MRC1: variants seen among roughly 807,000 people sequenced by gnomAD.
MRC1 encodes the protein macrophage mannose receptor 1.
MRC1 carries 62 observed loss-of-function variants against 102.9 expected under a neutral mutation model. The ratio of observed to expected loss-of-function variants is 0.60; its 90% CI spans 0.49 to 0.74. The LOEUF is 0.74. Ranked by LOEUF, MRC1 falls within the 30% of genes least tolerant of loss-of-function variation. The pLI is 0.00. For synonymous variants in MRC1, 457 were observed against 298.4 expected, an observed-to-expected ratio of 1.53 and a Z score of -5.48; for missense variants, 1,237 against 862.8, an observed-to-expected ratio of 1.43 and a Z score of -5.43.
At chr10:17,885,036 A>T (rs1833572557) in intron 21 of MRC1, among the ~76,000 whole-genome samples, 1 of 152,234 alleles carries the variant, frequency 6.6e-6, no homozygotes, top group Non-Finnish European at 1.5e-5. Context: ...AAGTGTCTTC[A>T]GTGGCCTAGA....
intron 24 of MRC1, among the ~76,000 whole-genome samples, chr10:17,900,445 A>G (rs1001898859): frequency 6.6e-6 from 1 of 152,140 alleles, no homozygotes; most frequent in South Asian, 2.1e-4. Context: ...TATAAGAAAT[A>G]TCTTATTTGT....
At chr10:17,898,521 A>G (rs1300647492) in intron 24 of MRC1, among the ~76,000 whole-genome samples, 1 of 152,248 alleles carries the variant, frequency 6.6e-6, no homozygotes, top group Non-Finnish European at 1.5e-5. Flanking sequence ...GCATTAGACT[A>G]TGAAAATTAT....
At chr10:17,860,722 C>T (rs1314969041) in intron 9 of MRC1, among the ~76,000 whole-genome samples, 2 of 152,220 alleles carry the variant, frequency 1.3e-5, no homozygotes, top group Non-Finnish European at 2.9e-5. Flanking sequence ...TAGGTTTGCT[C>T]TTCCCCAAAT....
At chr10:17,873,662 G>A in intron 15 of MRC1, 122 bp from the exon 16 acceptor site, 2 of 750,988 alleles carry the variant, frequency 2.7e-6, no homozygotes, top group Non-Finnish European at 4.9e-6. Context: ...AGAAAGGGAA[G>A]GGAAAAAAGA....
At chr10:17,899,159 A>G (rs691615) in intron 24 of MRC1, among the ~76,000 whole-genome samples, 136,878 of 151,876 alleles carry the variant, frequency 0.9, 61,739 homozygotes, top group Non-Finnish European at 0.92. Context: ...AGATGTTATG[A>G]AGCTTCCAAG....
At chr10:17,823,535 C>T (rs1260944232) in intron 2 of MRC1, 60 bp downstream of exon 2, 19 of 777,230 alleles carry the variant, frequency 2.4e-5, no homozygotes, top group Non-Finnish European at 4.3e-5. Flanking sequence ...TAGTTGGAAC[C>T]TGATTCAAGA....
chr10:17,855,888 G>T (rs1162526916), intron 8 of MRC1, among the ~76,000 whole-genome samples: 3 of 152,030 alleles, frequency 2.0e-5, no homozygotes, highest in Non-Finnish European at 4.4e-5. Flanking sequence ...TCCAAAATTG[G>T]CCGGGCGCAG....
At chr10:17,848,796 G>C (rs999766141) in intron 6 of MRC1, among the ~76,000 whole-genome samples, 4 of 152,112 alleles carry the variant, frequency 2.6e-5, no homozygotes, top group Non-Finnish European at 4.4e-5. Flanking sequence ...TCACAAGCAC[G>C]TGTCAGTTTT....
intron 6 of MRC1, among the ~76,000 whole-genome samples, chr10:17,847,875 C>A (rs1838849145): frequency 6.6e-6 from 1 of 151,914 alleles, no homozygotes; most frequent in Non-Finnish European, 1.5e-5. Context: ...TAAAATAACC[C>A]ACCAGAGGGC....
chr10:17,871,281 C>T (rs1833351292), intron 14 of MRC1, among the ~76,000 whole-genome samples: 1 of 152,158 alleles, frequency 6.6e-6, no homozygotes, highest in South Asian at 2.1e-4. Flanking sequence ...TCAGTTCTAC[C>T]TCTTAATTTC....
intron 17 of MRC1, among the ~76,000 whole-genome samples, chr10:17,877,570 T>C (rs1456383554): frequency 1.3e-5 from 2 of 151,978 alleles, no homozygotes; most frequent in African/African-American, 4.8e-5. Context: ...CTTGAATTTG[T>C]AAAGCAAATA....
chr10:17,893,051 A>T (rs1366857618), intron 22 of MRC1, among the ~76,000 whole-genome samples: 1 of 151,496 alleles, frequency 6.6e-6, no homozygotes, highest in Non-Finnish European at 1.5e-5. Context: ...GAAAATAAAC[A>T]CAGTGAAATT....
intron 24 of MRC1, 113 bp downstream of exon 24, chr10:17,898,379 G>T (rs1440961118): frequency 2.6e-6 from 2 of 767,100 alleles, no homozygotes; most frequent in African/African-American, 3.4e-5. Flanking sequence ...ACTGTGCTAG[G>T]CAATGTGAAT....
In MRC1 at chr10:17,856,327, T is replaced by C. The variant is rs1352250668; in HGVS notation, c.1493T>C (p.Val498Ala). The C allele has an allele frequency of 4.7e-6, 4 of 857,714 alleles. No homozygotes were observed. The African/African-American group carries it at 6.6e-5, about 14-fold the overall frequency. The allele number at this position is 857,714 out of a possible 1,614,324, so 53.1% of individuals were successfully genotyped here. The change falls in exon 9 of 30, where the codon GTG (valine) becomes GCG (alanine). Residue 498 changes from valine (V) to alanine (A), a missense_variant. Coordinates refer to ENST00000569591, the MANE Select transcript of MRC1 (RefSeq NM_002438.4). ...TCACGAAGCCAAGGTCCAGAAATAGTGGAAGTCGAAAAAGGCTGCAGGAAA... is the reference window on the plus strand; with the variant it reads ...TCACGAAGCCAAGGTCCAGAAATAGCGGAAGTCGAAAAAGGCTGCAGGAAA... ...MKSRSQGPEI[V>A]EVEKGCRKGW...
At chr10:17,899,677 C>G (rs1478995319) in intron 24 of MRC1, among the ~76,000 whole-genome samples, 1 of 152,098 alleles carries the variant, frequency 6.6e-6, no homozygotes, top group Admixed American at 6.5e-5. Context: ...TATATATCAT[C>G]TATTCTTAAA....
chr10:17,838,375 C>T (rs1838700685), intron 4 of MRC1, among the ~76,000 whole-genome samples: 1 of 152,012 alleles, frequency 6.6e-6, no homozygotes, highest in Non-Finnish European at 1.5e-5. Context: ...GTTTCTACCC[C>T]GAAAAATGTT....
chr10:17,847,912 T>C (rs1838849928), intron 6 of MRC1, among the ~76,000 whole-genome samples: 1 of 98,234 alleles, frequency 1.0e-5, no homozygotes, highest in South Asian at 4.3e-4. Context: ...GCTTGCTTTC[T>C]TTTTCTTTTT....
At chr10:17,866,863 C>G in intron 12 of MRC1, 102 bp downstream of exon 12, 1 of 747,930 alleles carries the variant, frequency 1.3e-6, no homozygotes, top group Non-Finnish European at 2.5e-6. Flanking sequence ...AACACTCTGC[C>G]CAGACTCTAC....
intron 1 of MRC1, among the ~76,000 whole-genome samples, chr10:17,821,466 T>A (rs1369664932): frequency 6.6e-6 from 1 of 152,192 alleles, no homozygotes; most frequent in African/African-American, 2.4e-5. Flanking sequence ...GGTACCCAGA[T>A]ATTTGATCAA....
Sources: gnomAD v4.1 joint callset for allele counts (sites outside exome capture counted in the v4.1 genomes callset) on GRCh38, gnomAD v4.1.1 for gene constraint, MANE v1.5 for transcripts, NCBI Gene and HGNC (gene_info 2026-07-23, HGNC 2026-07-21) for gene names.